Variants in COL5A2 observed in about 807,000 individuals in gnomAD.
The protein encoded by COL5A2 is collagen type V alpha 2 chain.
COL5A2 carries 23 observed loss-of-function variants against 208.2 expected under a neutral mutation model. The observed-to-expected ratio is 0.11, with a 90% CI of 0.08 to 0.16. COL5A2 has a LOEUF of 0.16. Ranked by LOEUF, COL5A2 falls within the 10% of genes least tolerant of loss-of-function variation. COL5A2 has a pLI of 1.00. For missense variants in COL5A2, 1,590 were observed against 1,956.4 expected (o/e 0.81, Z 3.53); for synonymous variants, 625 against 628.5 (o/e 0.99, Z 0.08).
the COL5A2 span, among the ~76,000 whole-genome samples, chr2:189,431,485 G>A: frequency 6.6e-6 from 1 of 152,126 alleles, no homozygotes; most frequent in Non-Finnish European, 1.5e-5. Flanking sequence ...AATAAACAAT[G>A]TAGAGAAGAC....
chr2:189,046,214 A>T (rs780318235), intron 45 of COL5A2, among the ~76,000 whole-genome samples: 1 of 152,216 alleles, frequency 6.6e-6, no homozygotes, highest in Non-Finnish European at 1.5e-5. Flanking sequence ...CTAGAGCACC[A>T]ATCTTTAAGC....
At position 189,094,559 on chromosome 2, in the gene COL5A2, CTCGTTTCTCTCTCTCTCTCTTTCTCTCTG is replaced by C. The variant is rs1223541955; in HGVS notation, c.457-2168_457-2140del. ...GGAACTGTTAAAGAACTTCATTTCT[CTCGTTTCTCTCTCTCTCTCTTTCTCTCTG>C]ACACACACACACACACACACACACA... On this transcript the variant is annotated intron_variant, in intron 6 of 53. Transcript: ENST00000374866. Among the ~76,000 whole-genome samples the C allele has an allele frequency of 6.2e-5, 4 of 64,962 alleles. No individual in the cohort carries two copies. In the South Asian group the frequency reaches 1.9e-3, roughly 31 times the overall value. 42.6% of individuals were successfully genotyped at this position (64,962 alleles called of 152,430 possible).
At chr2:189,088,257 G>C (rs1040172176) in intron 8 of COL5A2, among the ~76,000 whole-genome samples, 1 of 152,122 alleles carries the variant, frequency 6.6e-6, no homozygotes, top group Non-Finnish European at 1.5e-5. Context: ...TAGAGCTGTT[G>C]GAATAAGGCA....
the COL5A2 span, among the ~76,000 whole-genome samples, chr2:189,281,428 T>C: frequency 4.6e-5 from 7 of 152,148 alleles, no homozygotes; most frequent in Non-Finnish European, 7.4e-5. Flanking sequence ...AAAATTGCAA[T>C]GAATGGAGCT....
chr2:189,034,115 T>C lies in COL5A2; in HGVS notation c.4455A>G (p.Thr1485=), dbSNP rs371225266. The part of the protein sequence containing the change: ...IDLAPVDVGG[T]DQEFGVEIGP... Reference sequence around the variant, plus strand: ...CAATTTCAACGCCGAATTCCTGGTCTGTGCCGCCAACATCCACAGGAGCAA... The same window carrying C: ...CAATTTCAACGCCGAATTCCTGGTCCGTGCCGCCAACATCCACAGGAGCAA... Residue 1485 remains threonine (T), a synonymous_variant, in exon 54 of 54, where the codon ACA becomes ACG. Transcript: ENST00000374866. The C allele has an allele frequency of 5.0e-5, 80 of 1,613,956 alleles. No homozygotes were observed. The highest frequency in any genetic ancestry group is 6.5e-5 in the Non-Finnish European group (77 of 1,179,958).
chr2:189,357,344 TC>T, the COL5A2 span, among the ~76,000 whole-genome samples: 2 of 152,082 alleles, frequency 1.3e-5, no homozygotes, highest in African/African-American at 2.4e-5. Flanking sequence ...AGATGCCCCT[TC>T]CCCCAGGTGC....
chr2:189,433,636 A>C, the COL5A2 span, among the ~76,000 whole-genome samples: 3 of 152,218 alleles, frequency 2.0e-5, no homozygotes, highest in Non-Finnish European at 2.9e-5. Flanking sequence ...AACCAGGAAG[A>C]AGTTGAATCT....
the COL5A2 span, among the ~76,000 whole-genome samples, chr2:189,388,389 T>C: frequency 6.6e-6 from 1 of 152,040 alleles, no homozygotes. Context: ...GAACAGACAC[T>C]ATAATAGTCC....
chr2:189,070,850 C>G (rs1458316590), intron 18 of COL5A2, among the ~76,000 whole-genome samples: 1 of 152,068 alleles, frequency 6.6e-6, no homozygotes, highest in African/African-American at 2.4e-5. Flanking sequence ...CAGAGGAGAA[C>G]CCAACAAGAT....
chr2:189,282,223 A>G, the COL5A2 span, among the ~76,000 whole-genome samples: 3 of 151,982 alleles, frequency 2.0e-5, no homozygotes, highest in African/African-American at 4.8e-5. Context: ...TCCATTATTA[A>G]TAATCAAAGC....
intron 4 of COL5A2, among the ~76,000 whole-genome samples, chr2:189,099,669 T>C (rs61410138): frequency 0.13 from 20,142 of 152,022 alleles, 1,339 homozygotes; most frequent in Middle Eastern, 0.19. Context: ...AGAACGACAG[T>C]TGAAGAGCTT....
chr2:189,130,874 T>A (rs2105753048), intron 1 of COL5A2, among the ~76,000 whole-genome samples: 1 of 152,202 alleles, frequency 6.6e-6, no homozygotes, highest in African/African-American at 2.4e-5. Context: ...ACCTTCTATA[T>A]CTTAGGCACC....
intron 50 of COL5A2, among the ~76,000 whole-genome samples, chr2:189,040,335 CTTT>C (rs34847104): frequency 8.7e-5 from 12 of 138,240 alleles, no homozygotes; most frequent in Admixed American, 2.9e-4. Flanking sequence ...GCCCTCCTGC[CTTT>C]TTTTTTTTTT....
chr2:189,297,518 TAC>T, the COL5A2 span, among the ~76,000 whole-genome samples: 1 of 152,180 alleles, frequency 6.6e-6, no homozygotes, highest in Non-Finnish European at 1.5e-5. Flanking sequence ...TAAAAATTGA[TAC>T]ATAGTGATTC....
intron 1 of COL5A2, among the ~76,000 whole-genome samples, chr2:189,173,990 C>A (rs564438724): frequency 6.6e-6 from 1 of 152,276 alleles, no homozygotes; most frequent in East Asian, 1.9e-4. Flanking sequence ...TCAGTTGATC[C>A]ATGTCCATAC....
chr2:189,060,603 T>C (rs978880278), intron 31 of COL5A2, 127 bp downstream of exon 31: 8 of 780,174 alleles, frequency 1.0e-5, no homozygotes, highest in East Asian at 2.7e-5. Context: ...ACCTAGTACA[T>C]AGGGCTGCTT....
Position 189,054,146 on chromosome 2 carries a change from A to G in COL5A2, c.2445+13T>C, listed in dbSNP as rs1182326571. The G allele has an allele frequency of 6.2e-7, 1 of 1,612,772 alleles. No homozygotes were observed. The highest frequency in any genetic ancestry group is 1.7e-4 in the Middle Eastern group (1 of 6,060). On this transcript the variant is annotated intron_variant, in intron 36 of 53. Transcript: ENST00000374866. ...ATAATTTTGAGTGTACAAATTAACAACTTGTGACTTACCTTTTCTCCAGTA... is the reference window on the plus strand; with the variant it reads ...ATAATTTTGAGTGTACAAATTAACAGCTTGTGACTTACCTTTTCTCCAGTA...
the COL5A2 span, among the ~76,000 whole-genome samples, chr2:189,355,517 C>CT: frequency 1.7e-4 from 1 of 5,742 alleles, no homozygotes; most frequent in Non-Finnish European, 3.4e-3. Flanking sequence ...TTGAATTGAT[C>CT]CTTTACCATT....
the COL5A2 span, among the ~76,000 whole-genome samples, chr2:189,350,609 T>C: frequency 0.013 from 1,912 of 152,290 alleles, 34 homozygotes; most frequent in African/African-American, 0.044. Flanking sequence ...TTATTCCACA[T>C]GGCTTTGTGA....
Sources: allele counts gnomAD v4.1 joint callset (sites outside exome capture counted in the v4.1 genomes callset), GRCh38; gene constraint gnomAD v4.1.1; transcripts MANE v1.5; gene names NCBI Gene and HGNC (gene_info 2026-07-23, HGNC 2026-07-21).